Variants in TMEM184A observed in about 807,000 individuals in gnomAD.
TMEM184A encodes sexually dimorphic, expressed in male gonads 1.
A neutral mutation model predicts 39.5 loss-of-function variants in TMEM184A; 40 were observed. That is an observed-to-expected ratio of 1.01 (90% CI 0.79 to 1.32). The LOEUF (loss-of-function observed/expected upper bound fraction) is 1.32. TMEM184A is among the 40% of genes most tolerant of loss of function. The pLI, the probability that TMEM184A is intolerant of heterozygous loss-of-function variation, is 0.00. For missense variants in TMEM184A, 603 were observed against 568.8 expected, an observed-to-expected ratio of 1.06 and a Z score of -0.61; for synonymous variants, 280 against 252.3, an observed-to-expected ratio of 1.11 and a Z score of -1.04.
intron 2 of TMEM184A, among the ~76,000 whole-genome samples, chr7:1,553,493 G>A (rs1162686087): frequency 6.6e-6 from 1 of 152,096 alleles, no homozygotes; most frequent in Non-Finnish European, 1.5e-5. Flanking sequence ...TCAACTACAG[G>A]GTCTTTGAGA....
In TMEM184A at chr7:1,555,250, G is replaced by A; in HGVS notation, c.219+16C>T. 6.3e-7 allele frequency: 1 copy of A among 1,588,922 alleles called. No individual in the cohort carries two copies. Among genetic ancestry groups the A allele is most frequent in the East Asian group, 2.3e-5 (1 of 44,250 alleles). On this transcript the variant is annotated intron_variant, in intron 2 of 8. Transcript: ENST00000297477. This position sits in a 1 kb window ranked among gnomAD's most constrained non-coding sequence, Gnocchi z 5.2. ...GACCAAGGTCCTGAAGGAGGCTCGG[G>A]GGCGGAAGGGCTTACCTGGTGGCAG...
chr7:1,549,811 A>G (rs771142643), intron 6 of TMEM184A, 43 bp downstream of exon 6: 19 of 1,530,824 alleles, frequency 1.2e-5, no homozygotes, highest in Non-Finnish European at 1.5e-5. Flanking sequence ...CGGGGGACCC[A>G]GTGCCCACCT....
intron 7 of TMEM184A, among the ~76,000 whole-genome samples, chr7:1,548,181 C>T (rs1316069929): frequency 2.0e-5 from 3 of 152,220 alleles, no homozygotes; most frequent in Admixed American, 6.5e-5. Flanking sequence ...ATCCTGGGCC[C>T]GTGCCCTGTC....
At position 1,555,558 on chromosome 7, in the gene TMEM184A, G is replaced by A. The variant is rs370716595; in HGVS notation, c.1-74C>T. 2.4e-5 allele frequency: 27 copies of A among 1,138,796 alleles called. No homozygotes were observed. The highest frequency in any genetic ancestry group is 3.5e-5 in the Admixed American group (2 of 56,532). 70.5% of individuals were successfully genotyped at this position (1,138,796 alleles called of 1,614,324 possible). A position where few individuals can be genotyped will look rare whatever the true frequency, so the allele number is the denominator to read the frequency against. On this transcript the variant is annotated intron_variant, in intron 1 of 8. Coordinates refer to ENST00000297477, the MANE Select transcript of TMEM184A (RefSeq NM_001097620.2). The surrounding 1 kb of genome is among the most constrained non-coding windows in gnomAD (Gnocchi z 5.2). ...CTGGCTCCCGGCAGCAGGAAGCAGC[G>A]GGGGAGGGAGGAGACAGTGAGACGG...
chr7:1,548,281 T>C lies in TMEM184A; in HGVS notation c.814+238A>G, dbSNP rs554707127. Among the ~76,000 whole-genome samples, 8 of 152,080 alleles carry C rather than the reference T, an allele frequency of 5.3e-5. 1 individual carries two copies. The South Asian group carries it at 1.7e-3, about 32-fold the overall frequency. On this transcript the variant is annotated intron_variant, in intron 7 of 8. Transcript: ENST00000297477. ...GGGCCAGGATTCAGGAAACACCTGG[T>C]GTGGCCTCTGTGCGACCTCTCTCCA...
chr7:1,547,635 G>T, intron 8 of TMEM184A, 107 bp downstream of exon 8: 1 of 1,241,908 alleles, frequency 8.1e-7, no homozygotes, highest in Non-Finnish European at 1.1e-6. Flanking sequence ...CCGTCTCCCT[G>T]CCCAGCGAGC....
intron 6 of TMEM184A, chr7:1,549,542 C>T (rs1053089559): frequency 9.7e-6 from 5 of 517,796 alleles, no homozygotes; most frequent in Non-Finnish European, 1.9e-5. Flanking sequence ...AGACGCTAGA[C>T]TCACCCCAGC....
chr7:1,555,246 T>C lies in TMEM184A; in HGVS notation c.219+20A>G. ...TGGAGACCAAGGTCCTGAAGGAGGCTCGGGGGCGGAAGGGCTTACCTGGTG... is the reference window on the plus strand; with the variant it reads ...TGGAGACCAAGGTCCTGAAGGAGGCCCGGGGGCGGAAGGGCTTACCTGGTG... On this transcript the variant is annotated intron_variant, in intron 2 of 8. Transcript: ENST00000297477. The surrounding 1 kb of genome is among the most constrained non-coding windows in gnomAD (Gnocchi z 5.2). 1 of 1,581,796 alleles carries C rather than the reference T, an allele frequency of 6.3e-7. No individual in the cohort carries two copies. The highest frequency in any genetic ancestry group is 1.4e-5 in the African/African-American group (1 of 74,002).
Position 1,548,639 on chromosome 7 carries a change from T to TGAC in TMEM184A, c.691_693dup (p.Val231dup). 6.2e-7 allele frequency: 1 copy of TGAC among 1,613,902 alleles called. No homozygotes were observed. The highest frequency in any genetic ancestry group is 8.5e-7 in the Non-Finnish European group (1 of 1,179,984). On this transcript the variant is annotated inframe_insertion, in exon 7 of 9. Transcript: ENST00000297477. ...AGGAACAGGGCGTAGAGGGCGAGGC[T>TGAC]GACGGAGGCGTTGTAGATGAGGGTC...
chr7:1,553,957 A>G (rs1778442787), intron 2 of TMEM184A, among the ~76,000 whole-genome samples: 1 of 152,116 alleles, frequency 6.6e-6, no homozygotes, highest in Non-Finnish European at 1.5e-5. Context: ...ATGAAGCTAA[A>G]GCCACACTAC....
chr7:1,548,673 G>T lies in TMEM184A; in HGVS notation c.660C>A (p.Tyr220Ter), dbSNP rs765521851. 2 of 1,613,562 alleles carry T rather than the reference G, an allele frequency of 1.2e-6. No homozygotes were observed. Among genetic ancestry groups the T allele is most frequent in the African/African-American group, 2.7e-5 (2 of 74,920 alleles). The change falls in exon 7 of 9, where the codon TAC (tyrosine) becomes TAA (stop). Residue 220 changes from tyrosine to a stop codon, truncating the protein, a stop_gained. Transcript: ENST00000297477. LOFTEE classifies it high-confidence loss of function. ...CGTTGTAGATGAGGGTCACATAGAG[G>T]TAGCCGCTGCGGACACTAGGACAGA... ...HDGDFNVRSG[Y>*]LYVTLIYNAS...
At chr7:1,550,466 C>T (rs1583219304) in intron 3 of TMEM184A, 71 bp from the exon 4 acceptor site, 12 of 1,338,280 alleles carry the variant, frequency 9.0e-6, no homozygotes, top group Non-Finnish European at 1.2e-5. Flanking sequence ...GCCCATCTCA[C>T]CAGGGCAGGA....
rs1784367982 is a variant in TMEM184A, at chr7:1,546,954, A to G, written c.1240T>C (p.Ter414GlnextTer76). ...CAGCACTGGCAGCCCAGGCCCCCCT[A>G]CAGGTCCTCCGAGGGGATCAGCATC... ...KRMLIPSEDL[*>Q] The change falls in exon 9 of 9, where the codon TAG becomes CAG. Residue 414 changes from the stop codon to glutamine (Q), a stop_lost. Coordinates refer to ENST00000297477, the MANE Select transcript of TMEM184A (RefSeq NM_001097620.2). 1.9e-6 allele frequency: 3 copies of G among 1,564,638 alleles called. No homozygotes were observed. The highest frequency in any genetic ancestry group is 2.6e-6 in the Non-Finnish European group (3 of 1,162,692).
At position 1,546,766 on chromosome 7, in the gene TMEM184A, G is replaced by A; in HGVS notation, c.*186C>T. 1.9e-6 allele frequency: 1 copy of A among 537,240 alleles called. No homozygotes were observed. The highest frequency in any genetic ancestry group is 2.7e-5 in the South Asian group (1 of 37,144). 33.3% of individuals were successfully genotyped at this position (537,240 alleles called of 1,614,324 possible). A position where few individuals can be genotyped will look rare whatever the true frequency, so the allele number is the denominator to read the frequency against. On this transcript the variant is annotated 3_prime_UTR_variant, in exon 9 of 9. Transcript: ENST00000297477. Reference sequence around the variant, plus strand: ...CGGTGGCGGGCCCACCTGGGTGCCTGCCAGGGCCATCAGGTGCCCTGACCC... The same window carrying A: ...CGGTGGCGGGCCCACCTGGGTGCCTACCAGGGCCATCAGGTGCCCTGACCC...
intron 7 of TMEM184A, 58 bp downstream of exon 7, chr7:1,548,461 G>A (rs1784436097): frequency 2.6e-6 from 4 of 1,557,678 alleles, no homozygotes; most frequent in Non-Finnish European, 3.5e-6. Context: ...GTGACCCCAG[G>A]CTCACTGGAC....
In TMEM184A at chr7:1,548,679, G is replaced by A. The variant is rs758535820; in HGVS notation, c.654C>T (p.Ser218=). 1.7e-5 allele frequency: 27 copies of A among 1,613,518 alleles called. No individual in the cohort carries two copies. Among genetic ancestry groups the A allele is most frequent in the East Asian group, 4.5e-5 (2 of 44,880 alleles). ...AGATGAGGGTCACATAGAGGTAGCC[G>A]CTGCGGACACTAGGACAGACGGGGG... ...KYHDGDFNVR[S]GYLYVTLIYN... is the part of the protein sequence containing the mutation. The change falls in exon 7 of 9, where the codon AGC becomes AGT. Residue 218 remains serine, a synonymous_variant. Coordinates refer to ENST00000297477, the MANE Select transcript of TMEM184A (RefSeq NM_001097620.2).
intron 6 of TMEM184A, chr7:1,549,205 G>A (rs1266818338): frequency 6.6e-6 from 3 of 456,042 alleles, no homozygotes; most frequent in East Asian, 1.4e-4. Flanking sequence ...GTTTGCGCAT[G>A]TGCTGTGTGC....
rs1450912774 is a variant in TMEM184A, at chr7:1,555,615, C to G, written c.1-131G>C. On this transcript the variant is annotated intron_variant, in intron 1 of 8. Transcript: ENST00000297477. This position sits in a 1 kb window ranked among gnomAD's most constrained non-coding sequence, Gnocchi z 5.2. ...AGGCTGAGCCACCCACCAGGCCGCA[C>G]CCCCCACACGGACACCAGCGCCAGG... 1.4e-6 allele frequency: 1 copy of G among 721,444 alleles called. No individual in the cohort carries two copies. Among genetic ancestry groups the G allele is most frequent in the Non-Finnish European group, 2.4e-6 (1 of 412,034 alleles). 44.7% of individuals were successfully genotyped at this position (721,444 alleles called of 1,614,324 possible). A position where few individuals can be genotyped will look rare whatever the true frequency, so the allele number is the denominator to read the frequency against.
chr7:1,548,973 G>T (rs1784467238), intron 6 of TMEM184A: 1 of 605,216 alleles, frequency 1.7e-6, no homozygotes. Context: ...TGCTCAGGCA[G>T]CATCCAGGCT....
Sources: gnomAD v4.1 joint callset for allele counts (sites outside exome capture counted in the v4.1 genomes callset) on GRCh38, gnomAD v4.1.1 for gene constraint, Gnocchi (gnomAD v3.1) non-coding constraint, MANE v1.5 for transcripts, NCBI Gene and HGNC (gene_info 2026-07-23, HGNC 2026-07-21) for gene names.